Variants in SLC41A2 observed in about 807,000 individuals in gnomAD.
SLC41A2 encodes SLC41A1-like 1.
In SLC41A2, 32 loss-of-function variants were observed where a neutral mutation model predicts 58.3. That is an observed-to-expected ratio of 0.55 (90% CI 0.41 to 0.74). The LOEUF (loss-of-function observed/expected upper bound fraction) is 0.74, where lower values mean the gene tolerates loss of function less well. Ranked by LOEUF, SLC41A2 falls within the 30% of genes least tolerant of loss-of-function variation. The pLI is 0.00. For synonymous variants in SLC41A2, 190 were observed against 235.0 expected (o/e 0.81, Z 1.75); for missense variants, 514 against 680.6 (o/e 0.76, Z 2.72).
At chr12:104,839,421 G>T (rs1470567044) in intron 10 of SLC41A2, among the ~76,000 whole-genome samples, 1 of 151,882 alleles carries the variant, frequency 6.6e-6, no homozygotes, top group Non-Finnish European at 1.5e-5. Flanking sequence ...AGAATAATGA[G>T]ATTTGAATAG....
chr12:104,901,885 A>G (rs1012931316), intron 3 of SLC41A2, among the ~76,000 whole-genome samples: 21 of 152,152 alleles, frequency 1.4e-4, no homozygotes, highest in African/African-American at 4.8e-4. Flanking sequence ...GTATCTTATG[A>G]TATCTTATGT....
At chr12:104,927,223 C>A (rs879872387) in intron 2 of SLC41A2, among the ~76,000 whole-genome samples, 2 of 151,990 alleles carry the variant, frequency 1.3e-5, no homozygotes, top group Admixed American at 6.6e-5. Flanking sequence ...ACCCTAATAT[C>A]CAACAATGCT....
At chr12:104,880,666 C>T (rs2044317907) in intron 6 of SLC41A2, among the ~76,000 whole-genome samples, 1 of 152,142 alleles carries the variant, frequency 6.6e-6, no homozygotes, top group Admixed American at 6.5e-5. Flanking sequence ...GGGATGAAGC[C>T]AACTTGATTA....
chr12:104,867,545 T>C (rs568337853), intron 6 of SLC41A2, among the ~76,000 whole-genome samples: 14 of 151,774 alleles, frequency 9.2e-5, no homozygotes, highest in African/African-American at 3.4e-4. Context: ...TTTCTATTTT[T>C]TTTGCTTCTT....
At chr12:104,922,336 C>T (rs1281340765) in intron 2 of SLC41A2, among the ~76,000 whole-genome samples, 3 of 151,940 alleles carry the variant, frequency 2.0e-5, no homozygotes, top group Non-Finnish European at 4.4e-5. Flanking sequence ...ATATTCCATG[C>T]AACTAGAAAC....
intron 10 of SLC41A2, among the ~76,000 whole-genome samples, chr12:104,841,213 G>C (rs1258533755): frequency 1.3e-5 from 2 of 151,936 alleles, no homozygotes; most frequent in Non-Finnish European, 2.9e-5. Flanking sequence ...ACTGATCACT[G>C]TTAGAAGTTG....
At chr12:104,892,249 T>C (rs549196725) in intron 4 of SLC41A2, among the ~76,000 whole-genome samples, 6 of 150,330 alleles carry the variant, frequency 4.0e-5, no homozygotes, top group African/African-American at 1.5e-4. Flanking sequence ...GATCACGCCA[T>C]TGCACTCTAG....
intron 5 of SLC41A2, among the ~76,000 whole-genome samples, chr12:104,888,038 T>A (rs1220433067): frequency 6.6e-6 from 1 of 151,832 alleles, no homozygotes. Context: ...TGAAATAAAA[T>A]CAGAAAGAAA....
chr12:104,937,191 G>A (rs1397989713), intron 1 of SLC41A2, among the ~76,000 whole-genome samples: 2 of 152,164 alleles, frequency 1.3e-5, no homozygotes, highest in African/African-American at 4.8e-5. Context: ...AAATATTTTT[G>A]TACATTTTGT....
chr12:104,891,348 C>T (rs569903595), intron 4 of SLC41A2, among the ~76,000 whole-genome samples: 1 of 151,714 alleles, frequency 6.6e-6, no homozygotes, highest in East Asian at 1.9e-4. Flanking sequence ...AAAGTGAAGA[C>T]AAAGAATGGG....
At position 104,928,227 on chromosome 12, in the gene SLC41A2, C is replaced by T. The variant is rs769657162; in HGVS notation, c.301G>A (p.Ala101Thr). 11 of 1,613,996 alleles carry T rather than the reference C, an allele frequency of 6.8e-6. No individual in the cohort carries two copies. The highest frequency in any genetic ancestry group is 2.7e-5 in the African/African-American group (2 of 74,930). The change falls in exon 2 of 11, where the codon GCA (alanine) becomes ACA (threonine). Residue 101 changes from alanine to threonine, a missense_variant. Coordinates refer to ENST00000258538, the MANE Select transcript of SLC41A2 (RefSeq NM_001352171.3). Reference protein sequence around the residue: ...EQSFHANNGHASSSCSQKYDD... With the variant: ...EQSFHANNGHTSSSCSQKYDD... Reference sequence around the variant, plus strand: ...TACTTTTGGCTGCAGCTTGATGATGCGTGCCCATTATTGGCATGAAAAGAC... The same window carrying T: ...TACTTTTGGCTGCAGCTTGATGATGTGTGCCCATTATTGGCATGAAAAGAC...
chr12:104,921,750 G>A (rs184723527), intron 2 of SLC41A2, among the ~76,000 whole-genome samples: 12 of 152,234 alleles, frequency 7.9e-5, no homozygotes, highest in East Asian at 1.9e-4. Context: ...TGTGCAATCC[G>A]CTCATAACTC....
chr12:104,821,790 G>A (rs1483308873), intron 10 of SLC41A2, among the ~76,000 whole-genome samples: 1 of 152,176 alleles, frequency 6.6e-6, no homozygotes, highest in African/African-American at 2.4e-5. Flanking sequence ...AAACCTGTAG[G>A]TACTAGGGCA....
chr12:104,920,810 G>C (rs1283979567), intron 2 of SLC41A2, among the ~76,000 whole-genome samples: 1 of 152,004 alleles, frequency 6.6e-6, no homozygotes, highest in Non-Finnish European at 1.5e-5. Flanking sequence ...TGTAGTCCCA[G>C]CTACTAGGGA....
At chr12:104,903,052 T>G (rs2045633638) in intron 3 of SLC41A2, among the ~76,000 whole-genome samples, 1 of 152,196 alleles carries the variant, frequency 6.6e-6, no homozygotes, top group East Asian at 1.9e-4. Context: ...CCAGAAAGAA[T>G]TTTTAGTGAT....
At chr12:104,901,732 T>C (rs529411375) in intron 3 of SLC41A2, among the ~76,000 whole-genome samples, 1 of 152,204 alleles carries the variant, frequency 6.6e-6, no homozygotes, top group East Asian at 1.9e-4. Context: ...TTATTTTTTG[T>C]AGGGATGAGA....
rs558291832 is a variant in SLC41A2, at chr12:104,815,091, G to A, written c.1537-9754C>T. ...CTTCCCGTGCAATTTATTTTTAAAG[G>A]TATTGTGATGACATAGTTCAAGCGG... On this transcript the variant is annotated intron_variant, in intron 10 of 10. Coordinates refer to ENST00000258538, the MANE Select transcript of SLC41A2 (RefSeq NM_001352171.3). Among the ~76,000 whole-genome samples the A allele has an allele frequency of 2.0e-4, 31 of 152,252 alleles. 1 individual carries two copies. The South Asian group carries it at 6.2e-3, about 31-fold the overall frequency.
intron 1 of SLC41A2, among the ~76,000 whole-genome samples, chr12:104,939,961 GTTCTTT>G (rs1241092909): frequency 1.3e-5 from 2 of 151,782 alleles, no homozygotes; most frequent in Non-Finnish European, 2.9e-5. Context: ...AGGGTACCTT[GTTCTTT>G]TAATTTTTTC....
At chr12:104,825,468 C>T (rs1338292301) in intron 10 of SLC41A2, among the ~76,000 whole-genome samples, 1 of 152,224 alleles carries the variant, frequency 6.6e-6, no homozygotes, top group Non-Finnish European at 1.5e-5. Context: ...TAGAGGAACC[C>T]AGTTGCACTA....
Sources: allele counts gnomAD v4.1 joint callset (sites outside exome capture counted in the v4.1 genomes callset), GRCh38; gene constraint gnomAD v4.1.1; transcripts MANE v1.5; gene names NCBI Gene and HGNC (gene_info 2026-07-23, HGNC 2026-07-21).